The following TRAPPC3 variants were observed in gnomAD, a reference collection of about 807,000 sequenced individuals.
The protein encoded by TRAPPC3 is trafficking protein particle complex 3.
In TRAPPC3, 5 loss-of-function variants were observed where a neutral mutation model predicts 18.2. That is an observed-to-expected ratio of 0.28 (90% CI 0.14 to 0.58). The LOEUF is 0.58. Ranked by LOEUF, TRAPPC3 falls within the 20% of genes least tolerant of loss-of-function variation. The pLI, the probability that TRAPPC3 is intolerant of heterozygous loss-of-function variation, is 0.91. For missense variants in TRAPPC3, 176 were observed against 225.9 expected, an observed-to-expected ratio of 0.78 and a Z score of 1.41; for synonymous variants, 65 against 84.2, an observed-to-expected ratio of 0.77 and a Z score of 1.25.
At chr1:36,147,777 G>A (rs1427417577) in intron 1 of TRAPPC3, among the ~76,000 whole-genome samples, 3 of 152,190 alleles carry the variant, frequency 2.0e-5, no homozygotes, top group Admixed American at 6.5e-5. Flanking sequence ...TGACTATCTA[G>A]AAGAAGGGAG....
At chr1:36,140,408 C>T (rs1644090129) in intron 1 of TRAPPC3, 1 of 357,774 alleles carries the variant, frequency 2.8e-6, no homozygotes, top group Non-Finnish European at 5.0e-6. Context: ...AATCACTCTT[C>T]CAACACACCA....
intron 1 of TRAPPC3, among the ~76,000 whole-genome samples, chr1:36,146,944 T>C (rs1471052189): frequency 6.6e-6 from 1 of 152,212 alleles, no homozygotes; most frequent in Non-Finnish European, 1.5e-5. Context: ...AAAATCTAGT[T>C]ACTTGGGCAT....
chr1:36,138,509 G>C (rs546625533), intron 3 of TRAPPC3, among the ~76,000 whole-genome samples: 6 of 152,234 alleles, frequency 3.9e-5, no homozygotes, highest in Admixed American at 1.3e-4. Context: ...TGACCAGCAA[G>C]CTTACAACAG....
chr1:36,152,292 TTTC>T (rs1333124721), upstream of TRAPPC3, among the ~76,000 whole-genome samples: 5 of 138,096 alleles, frequency 3.6e-5, no homozygotes, highest in Non-Finnish European at 7.5e-5. Context: ...CATATTTCTT[TTTC>T]TTTTTTTTTT....
upstream of TRAPPC3, among the ~76,000 whole-genome samples, chr1:36,149,790 C>G (rs1644254938): frequency 6.6e-6 from 1 of 152,142 alleles, no homozygotes; most frequent in South Asian, 2.1e-4. Flanking sequence ...AGATGATGCT[C>G]CACAAATTCC....
In TRAPPC3 at chr1:36,137,020, C is replaced by T. The variant is rs1644034911; in HGVS notation, c.*183G>A. ...GCAGAGACTGTCGCTCCTGAATGTGCACACATGGGGTAAATGGACTATATC... is the reference window on the plus strand; with the variant it reads ...GCAGAGACTGTCGCTCCTGAATGTGTACACATGGGGTAAATGGACTATATC... On this transcript the variant is annotated 3_prime_UTR_variant, in exon 5 of 5. Transcript: ENST00000373166. 5.0e-6 allele frequency: 3 copies of T among 601,658 alleles called. No individual in the cohort carries two copies. The highest frequency in any genetic ancestry group is 5.4e-6 in the Non-Finnish European group (2 of 367,920). The allele number at this position is 601,658 out of a possible 1,614,324, so 37.3% of individuals were successfully genotyped here.
At chr1:36,153,677 C>G (rs534898854), upstream of TRAPPC3, among the ~76,000 whole-genome samples, 58 of 152,144 alleles carry the variant, frequency 3.8e-4, no homozygotes, top group Non-Finnish European at 7.6e-4. Context: ...TGTTTAGAGA[C>G]ACACCCCCCG....
At chr1:36,152,296 T>C (rs1174802089), upstream of TRAPPC3, among the ~76,000 whole-genome samples, 3 of 76,840 alleles carry the variant, frequency 3.9e-5, no homozygotes, top group Admixed American at 4.4e-4. Flanking sequence ...TTTCTTTTTC[T>C]TTTTTTTTTT....
At chr1:36,149,806 C>G (rs2124177683), upstream of TRAPPC3, among the ~76,000 whole-genome samples, 1 of 152,300 alleles carries the variant, frequency 6.6e-6, no homozygotes, top group South Asian at 2.1e-4. Context: ...ATTCCTCTCT[C>G]GCCGGGGTTG....
chr1:36,137,137 A>AG lies in TRAPPC3; in HGVS notation c.*65dup. ...AGAGTCACTGAGTTCTGGAGGGCAG[A>AG]GGGAGCACAGAGGCCTGCTGATTCC... On this transcript the variant is annotated 3_prime_UTR_variant, in exon 5 of 5. Coordinates refer to ENST00000373166, the MANE Select transcript of TRAPPC3 (RefSeq NM_014408.5). 1.9e-6 allele frequency: 3 copies of AG among 1,560,298 alleles called. No individual in the cohort carries two copies. The East Asian group carries it at 6.8e-5, about 36-fold the overall frequency.
In TRAPPC3 at chr1:36,149,404, C is replaced by G. The variant is rs1196702092; in HGVS notation, c.-26G>C. On this transcript the variant is annotated 5_prime_UTR_variant, in exon 1 of 5. Transcript: ENST00000373166. ...GGTGCCGGCCGCCCCGCCCCACTCG[C>G]CTAGCCACGGGTTAGCTCGGCGACC... 2 of 1,611,978 alleles carry G rather than the reference C, an allele frequency of 1.2e-6. No homozygotes were observed. The highest frequency in any genetic ancestry group is 1.7e-6 in the Non-Finnish European group (2 of 1,179,640).
At chr1:36,150,028 T>C (rs916592173), upstream of TRAPPC3, among the ~76,000 whole-genome samples, 1 of 152,204 alleles carries the variant, frequency 6.6e-6, no homozygotes, top group East Asian at 1.9e-4. Context: ...ACCTGCCTTC[T>C]ACCACCTGTG....
At chr1:36,137,538 T>C in intron 4 of TRAPPC3, 1 of 632,936 alleles carries the variant, frequency 1.6e-6, no homozygotes, top group Non-Finnish European at 2.7e-6. Context: ...AATGAGACTG[T>C]CACCAAATAA....
chr1:36,139,447 C>A (rs111996849), intron 3 of TRAPPC3: 8 of 363,424 alleles, frequency 2.2e-5, no homozygotes, highest in African/African-American at 1.5e-4. Flanking sequence ...TGAGCCACCA[C>A]GCCCGACCGA....
intron 1 of TRAPPC3, among the ~76,000 whole-genome samples, chr1:36,142,874 T>A (rs1422852242): frequency 6.6e-6 from 1 of 150,674 alleles, no homozygotes; most frequent in African/African-American, 2.5e-5. Flanking sequence ...TACAAAAAAA[T>A]TTTAAAAATC....
upstream of TRAPPC3, among the ~76,000 whole-genome samples, chr1:36,151,112 C>T (rs1644267928): frequency 6.6e-6 from 1 of 152,204 alleles, no homozygotes; most frequent in African/African-American, 2.4e-5. Flanking sequence ...GGGATTCCTC[C>T]TCTTGGCGTC....
rs1340734398 is a variant in TRAPPC3 at position 36,136,828 on chromosome 1, G to C, written c.*375C>G. 6.2e-6 allele frequency: 1 copy of C among 161,276 alleles called. No homozygotes were observed. Among genetic ancestry groups the C allele is most frequent in the East Asian group, 1.8e-4 (1 of 5,652 alleles). 10.0% of individuals were successfully genotyped at this position (161,276 alleles called of 1,614,324 possible). A position where few individuals can be genotyped will look rare whatever the true frequency, so the allele number is the denominator to read the frequency against. ...ACCCCACAACCCTATAGCCATTTGAGGCAAATGGCTTTCTAAAGGCCCAGG... is the reference window on the plus strand; with the variant it reads ...ACCCCACAACCCTATAGCCATTTGACGCAAATGGCTTTCTAAAGGCCCAGG... On this transcript the variant is annotated 3_prime_UTR_variant, in exon 5 of 5. Coordinates refer to ENST00000373166, the MANE Select transcript of TRAPPC3 (RefSeq NM_014408.5).
chr1:36,149,045 A>G (rs949312391), intron 1 of TRAPPC3: 1 of 1,319,442 alleles, frequency 7.6e-7, no homozygotes, highest in Non-Finnish European at 9.7e-7. Context: ...CCGGTGCCCA[A>G]CACATAGTAA....
upstream of TRAPPC3, chr1:36,149,491 C>T: frequency 3.4e-5 from 48 of 1,399,454 alleles, no homozygotes; most frequent in South Asian, 4.7e-4. Flanking sequence ...GGCACTGACT[C>T]ACTGCGCCTG....
Sources: allele counts gnomAD v4.1 joint callset (sites outside exome capture counted in the v4.1 genomes callset), GRCh38; gene constraint gnomAD v4.1.1; transcripts MANE v1.5; gene names NCBI Gene and HGNC (gene_info 2026-07-23, HGNC 2026-07-21).